FLII: variants seen among roughly 807,000 people sequenced by gnomAD.
FLII encodes FLII actin remodeling protein, also known as protein flightless-1 homolog.
Under a neutral mutation model 156.2 loss-of-function variants are expected in FLII, and 101 were observed. That is an observed-to-expected ratio of 0.65 (90% CI 0.55 to 0.76). The LOEUF (loss-of-function observed/expected upper bound fraction) is 0.76, where lower values mean the gene tolerates loss of function less well. FLII is among the 30% of genes least tolerant of loss of function. The probability of loss-of-function intolerance (pLI) is 0.00; values close to 1 mark genes in which losing one functional copy is unlikely to be tolerated. For missense variants in FLII, 1,675 were observed against 1,682.8 expected (o/e 1.00, Z 0.08); for synonymous variants, 767 against 685.8 (o/e 1.12, Z -1.85).
Position 18,253,602 on chromosome 17 carries a change from T to C in FLII, c.797A>G (p.Asp266Gly). The C allele has an allele frequency of 6.2e-7, 1 of 1,614,032 alleles. No homozygotes were observed. Among genetic ancestry groups the C allele is most frequent in the Non-Finnish European group, 8.5e-7 (1 of 1,180,002 alleles). ...NQITELSLCI[D>G]QWVHVETLNL... ...CAGAGTTTCCACGTGCACCCACTGGTCTATGCACAGGGACAGCTCCGTGAT... is the reference window on the plus strand; with the variant it reads ...CAGAGTTTCCACGTGCACCCACTGGCCTATGCACAGGGACAGCTCCGTGAT... The change falls in exon 8 of 30, where the codon GAC (aspartate) becomes GGC (glycine). Residue 266 changes from aspartate to glycine, a missense_variant. Physicochemically the swap from Asp to Gly is moderately conservative, Grantham distance 94. Around this residue, in one of 2 missense-constraint regions of FLII, gnomAD observed 343 missense variants for 413.5 expected, o/e 0.83. Coordinates refer to ENST00000327031, the MANE Select transcript of FLII (RefSeq NM_002018.4).
At chr17:18,252,694 CT>C in intron 9 of FLII, 138 bp from the exon 10 acceptor site, 1 of 677,728 alleles carries the variant, frequency 1.5e-6, no homozygotes, top group African/African-American at 1.8e-5. Context: ...GCCTGAAGGA[CT>C]TCTCAGAGCC....
chr17:18,249,246 A>C (rs963217985), intron 15 of FLII, 45 bp from the exon 16 acceptor site: 12 of 1,611,350 alleles, frequency 7.4e-6, no homozygotes, highest in Admixed American at 1.7e-5. Context: ...CCAAGGGCCT[A>C]ACTTAGCCCC....
Position 18,252,575 on chromosome 17 carries a change from C to G in FLII, c.1014-19G>C. ...TGGGCACCTGTGAAGACAGGGCCAG[C>G]CAGGGCCTCAGGCAGGTGACAGACA... On this transcript the variant is annotated intron_variant, in intron 9 of 29. Coordinates refer to ENST00000327031, the MANE Select transcript of FLII (RefSeq NM_002018.4). 2 of 1,605,730 alleles carry G rather than the reference C, an allele frequency of 1.2e-6. No homozygotes were observed. The highest frequency in any genetic ancestry group is 1.7e-6 in the Non-Finnish European group (2 of 1,173,018).
At position 18,245,850 on chromosome 17, in the gene FLII, C is replaced by T; in HGVS notation, c.3397G>A (p.Val1133Ile). 2 of 1,614,016 alleles carry T rather than the reference C, an allele frequency of 1.2e-6. No individual in the cohort carries two copies. The highest frequency in any genetic ancestry group is 1.7e-6 in the Non-Finnish European group (2 of 1,179,972). The change falls in exon 27 of 30, where the codon GTT becomes ATT. Residue 1133 changes from valine (V) to isoleucine (I), a missense_variant and splice_region_variant. Val to Ile is a conservative substitution (Grantham distance 29, BLOSUM62 3). Coordinates refer to ENST00000327031, the MANE Select transcript of FLII (RefSeq NM_002018.4). Reference protein sequence around the residue: ...TMFDTSYSKQVINEGEEPENF... With the variant: ...TMFDTSYSKQIINEGEEPENF... Reference sequence around the variant, plus strand: ...TCAGGCTCCTCACCTTCGTTGATAACCTGCGGGAAAGGCCAGTCCAGCCCA... The same window carrying T: ...TCAGGCTCCTCACCTTCGTTGATAATCTGCGGGAAAGGCCAGTCCAGCCCA...
Position 18,254,851 on chromosome 17 carries a change from A to G in FLII, c.331T>C (p.Leu111=), listed in dbSNP as rs1395427127. 1 of 1,614,086 alleles carries G rather than the reference A, an allele frequency of 6.2e-7. No individual in the cohort carries two copies. The highest frequency in any genetic ancestry group is 8.5e-7 in the Non-Finnish European group (1 of 1,180,006). ...CACTCTGTCAGCTGGTTGTGGCTCA[A>G]GTCCTGGGTAGAAGGGGCAAGACCC... is the stretch of plus-strand genomic sequence containing the variant. ...FKLDDLSVLD[L]SHNQLTECPR... The change falls in exon 5 of 30, where the codon TTG becomes CTG. Residue 111 remains leucine, a synonymous_variant. Coordinates refer to ENST00000327031, the MANE Select transcript of FLII (RefSeq NM_002018.4).
At chr17:18,247,120 C>CCGGGGGGGGGGGGG in intron 21 of FLII, 49 bp downstream of exon 21, 4 of 1,284,388 alleles carry the variant, frequency 3.1e-6, no homozygotes, top group Non-Finnish European at 4.2e-6. Context: ...CCGCCCTCGG[C>CCGGGGGGGGGGGGG]CTGCCCCCCA....
Position 18,251,680 on chromosome 17 carries a change from C to T in FLII, c.1383G>A (p.Glu461=), listed in dbSNP as rs2142841859. ...DVAQEKNKKQ[E]ESADARAPSG... The stretch of plus-strand genomic sequence containing the variant: ...TTGTCCCAACCCTGGCCTGGCTCAC[C>T]TCCTGCTTTTTGTTCTTCTCCTGGG... Residue 461 remains glutamate, a splice_region_variant and synonymous_variant, in exon 12 of 30, where the codon GAG becomes GAA. Coordinates refer to ENST00000327031, the MANE Select transcript of FLII (RefSeq NM_002018.4). 1.2e-6 allele frequency: 2 copies of T among 1,614,000 alleles called. No homozygotes were observed.
chr17:18,247,903 C>A, intron 19 of FLII, 26 bp downstream of exon 19: 1 of 1,613,222 alleles, frequency 6.2e-7, no homozygotes. Context: ...GGATCTGGCC[C>A]CACGCCCTCC....
intron 25 of FLII, 27 bp from the exon 26 acceptor site, chr17:18,246,089 T>C (rs754614930): frequency 3.2e-5 from 52 of 1,613,894 alleles, no homozygotes; most frequent in Non-Finnish European, 4.4e-5. Context: ...GGTGGGGGTG[T>C]TCGCAGCTGA....
In FLII at chr17:18,251,255, C is replaced by G. The variant is rs775768428; in HGVS notation, c.1596+10G>C. ...GCCACATGGCCCCTAACAGCATGCC[C>G]AGCCCTCACCTTGAGCACAATGTAG... On this transcript the variant is annotated intron_variant, in intron 13 of 29. Coordinates refer to ENST00000327031, the MANE Select transcript of FLII (RefSeq NM_002018.4). 4.6e-5 allele frequency: 74 copies of G among 1,612,636 alleles called. No individual in the cohort carries two copies. The highest frequency in any genetic ancestry group is 6.2e-5 in the Non-Finnish European group (73 of 1,179,026).
At chr17:18,248,765 T>C in intron 17 of FLII, 35 bp downstream of exon 17, 1 of 1,613,956 alleles carries the variant, frequency 6.2e-7, no homozygotes, top group Non-Finnish European at 8.5e-7. Context: ...CACACCCCTT[T>C]CCTTCACACA....
At position 18,252,011 on chromosome 17, in the gene FLII, C is replaced by A. The variant is rs751471210; in HGVS notation, c.1234G>T (p.Ala412Ser). 16 of 1,612,854 alleles carry A rather than the reference C, an allele frequency of 9.9e-6. No homozygotes were observed. The change falls in exon 11 of 30, where the codon GCA (alanine) becomes TCA (serine). Residue 412 changes from alanine to serine, a missense_variant. Coordinates refer to ENST00000327031, the MANE Select transcript of FLII (RefSeq NM_002018.4). ...LAGASPATVA[A>S]AAAAGSGPKD... is the part of the protein sequence containing the mutation. ...TTTCCCCACTCACCAGCTGCAGCTG[C>A]AGCCACGGTAGCAGGAGAGGCACCC...
Position 18,246,994 on chromosome 17 carries a change from A to C in FLII, c.2735T>G (p.Leu912Arg). The change falls in exon 22 of 30, where the codon CTG (leucine) becomes CGG (arginine). Residue 912 changes from leucine (L) to arginine (R), a missense_variant. Leu to Arg is a moderately radical substitution (Grantham distance 102). This residue lies in a region of FLII where 1,332 missense variants were observed against 1,269.3 expected (regional missense o/e 1.05). Transcript: ENST00000327031. ...EDLDGMEGFV[L>R]EGKKFARLPE... ...CAGCCGCGCAAACTTCTTGCCCTCC[A>C]GCACGAAACCCTCCATGCCGTCTAG... The C allele has an allele frequency of 1.9e-6, 3 of 1,614,078 alleles. No individual in the cohort carries two copies. Among genetic ancestry groups the C allele is most frequent in the Non-Finnish European group, 2.5e-6 (3 of 1,180,020 alleles).
chr17:18,253,784 A>C, intron 7 of FLII, 65 bp from the exon 8 acceptor site: 2 of 1,450,412 alleles, frequency 1.4e-6, no homozygotes, highest in Admixed American at 4.2e-5. Context: ...AGCCAGCCCT[A>C]GTGTGAACCC....
chr17:18,252,339 G>A, intron 10 of FLII, 133 bp downstream of exon 10: 1 of 933,730 alleles, frequency 1.1e-6, no homozygotes, highest in Non-Finnish European at 1.7e-6. Flanking sequence ...GCAGGGAGGT[G>A]GGGCCCACCT....
chr17:18,244,922 CACACGT>C lies in FLII; in HGVS notation c.*210_*215del, dbSNP rs1280118747. On this transcript the variant is annotated 3_prime_UTR_variant, in exon 30 of 30. Coordinates refer to ENST00000327031, the MANE Select transcript of FLII (RefSeq NM_002018.4). ...CCCTAGCGGAAGAGTGAGGGGGCTT[CACACGT>C]GCACTCACACTGTGGAGAGAGTTGG... 2.1e-5 allele frequency: 12 copies of C among 575,036 alleles called. No individual in the cohort carries two copies. The highest frequency in any genetic ancestry group is 2.8e-5 in the Non-Finnish European group (9 of 324,478). The allele number at this position is 575,036 out of a possible 1,614,324, so 35.6% of individuals were successfully genotyped here.
At position 18,254,582 on chromosome 17, in the gene FLII, G is replaced by A. The variant is rs760459503; in HGVS notation, c.514C>T (p.Arg172Cys). The change falls in exon 6 of 30, where the codon CGC becomes TGC. Residue 172 changes from arginine to cysteine, a missense_variant. Physicochemically the swap from Arg to Cys is radical, Grantham distance 180. Transcript: ENST00000327031. The part of the protein sequence containing the change: ...RLESLPPQMR[R>C]LVHLQTLVLN... ...ACGAGCGTCTGCAGGTGCACCAGGC[G>A]GCGCATCTGCGGGGGCAGGCTCTCC... The A allele has an allele frequency of 2.5e-6, 4 of 1,613,826 alleles. No individual in the cohort carries two copies. Among genetic ancestry groups the A allele is most frequent in the Non-Finnish European group, 3.4e-6 (4 of 1,179,948 alleles).
In FLII at chr17:18,256,610, G is replaced by A; in HGVS notation, c.175-13C>T. ...CAGACAAGTGTTCCTGGGCCGGAAT[G>A]GGGAGCACAGGCTCAGCAGGGTGGG... On this transcript the variant is annotated splice_polypyrimidine_tract_variant and intron_variant, in intron 2 of 29. Transcript: ENST00000327031. The A allele has an allele frequency of 6.4e-7, 1 of 1,550,802 alleles. No individual in the cohort carries two copies. Among genetic ancestry groups the A allele is most frequent in the Non-Finnish European group, 8.7e-7 (1 of 1,146,384 alleles).
At position 18,251,990 on chromosome 17, in the gene FLII, C is replaced by A; in HGVS notation, c.1246+9G>T. On this transcript the variant is annotated intron_variant, in intron 11 of 29. Transcript: ENST00000327031. ...CCCCCGTTCCCAGGCCAGACCTTTC[C>A]CCACTCACCAGCTGCAGCTGCAGCC... The A allele has an allele frequency of 6.2e-7, 1 of 1,612,188 alleles. No individual in the cohort carries two copies. Among genetic ancestry groups the A allele is most frequent in the Non-Finnish European group, 8.5e-7 (1 of 1,179,150 alleles).
Sources: gnomAD v4.1 joint callset for allele counts on GRCh38, gnomAD v4.1.1 for gene constraint, gnomAD v4.1.1 regional missense constraint, MANE v1.5 for transcripts, NCBI Gene and HGNC (gene_info 2026-07-23, HGNC 2026-07-21) for gene names.